The following KLF8 variants were observed in gnomAD, a reference collection of about 807,000 sequenced individuals.
KLF8 encodes the protein Krueppel-like factor 8.
Under a neutral mutation model 18.2 loss-of-function variants are expected in KLF8, and 10 were observed. That is an observed-to-expected ratio of 0.55 (90% CI 0.34 to 0.93). The LOEUF (loss-of-function observed/expected upper bound fraction) is 0.93. Ranked by LOEUF, KLF8 falls within the 40% of genes least tolerant of loss-of-function variation. The pLI, the probability that KLF8 is intolerant of heterozygous loss-of-function variation, is 0.02. For missense variants in KLF8, 264 were observed against 277.9 expected (o/e 0.95, Z 0.36); for synonymous variants, 109 against 97.3 (o/e 1.12, Z -0.71).
chrX:56,186,610 G>C, the KLF8 span, among the ~76,000 whole-genome samples: 1 of 111,373 alleles, frequency 9.0e-6, no homozygotes, highest in Admixed American at 9.6e-5. Context: ...TTCCAAAATT[G>C]ACCACATAGT....
the KLF8 span, among the ~76,000 whole-genome samples, chrX:55,920,680 C>T: frequency 1.8e-5 from 2 of 109,805 alleles, no homozygotes; most frequent in Non-Finnish European, 3.8e-5. Flanking sequence ...CTTCAGAGCT[C>T]GAAGACAAGA....
the KLF8 span, among the ~76,000 whole-genome samples, chrX:56,122,469 A>G: frequency 8.9e-6 from 1 of 112,056 alleles, no homozygotes; most frequent in Admixed American, 9.5e-5. Flanking sequence ...TACTGATGAT[A>G]GTATTAATAA....
chrX:56,139,497 AGC>A, the KLF8 span, among the ~76,000 whole-genome samples: 2 of 111,769 alleles, frequency 1.8e-5, no homozygotes, highest in African/African-American at 6.5e-5. Flanking sequence ...GAAATAAAAT[AGC>A]ACACTTACAA....
the KLF8 span, among the ~76,000 whole-genome samples, chrX:56,183,585 G>T: frequency 9.0e-6 from 1 of 111,135 alleles, no homozygotes; most frequent in African/African-American, 3.3e-5. Flanking sequence ...TTCCTATTCA[G>T]CAATCTTGGA....
the KLF8 span, among the ~76,000 whole-genome samples, chrX:56,204,626 T>TA: frequency 9.0e-6 from 1 of 111,444 alleles, no homozygotes; most frequent in Non-Finnish European, 1.9e-5. Flanking sequence ...GGTTTTTTTT[T>TA]ATCATAAAGG....
At chrX:55,918,981 A>G in the KLF8 span, among the ~76,000 whole-genome samples, 1 of 112,137 alleles carries the variant, frequency 8.9e-6, no homozygotes, top group Non-Finnish European at 1.9e-5. Flanking sequence ...TGCCCTTCCC[A>G]TGGGCAAAAC....
At chrX:56,169,298 T>G in the KLF8 span, among the ~76,000 whole-genome samples, 8 of 111,724 alleles carry the variant, frequency 7.2e-5, no homozygotes, top group Non-Finnish European at 1.3e-4. Flanking sequence ...ACACTCTTTT[T>G]GCTTGATAAA....
chrX:55,936,207 A>T, the KLF8 span, among the ~76,000 whole-genome samples: 3 of 112,220 alleles, frequency 2.7e-5, no homozygotes, highest in Non-Finnish European at 5.6e-5. Context: ...GTGATCTGTG[A>T]TTGATGACCA....
the KLF8 span, among the ~76,000 whole-genome samples, chrX:55,971,237 T>C: frequency 9.0e-6 from 1 of 111,021 alleles, no homozygotes; most frequent in Non-Finnish European, 1.9e-5. Flanking sequence ...TGGAACAGAA[T>C]GGAGAATTCA....
the KLF8 span, among the ~76,000 whole-genome samples, chrX:56,076,375 G>T: frequency 1.9e-4 from 19 of 101,007 alleles, no homozygotes; most frequent in East Asian, 4.4e-3. Context: ...CCACCTATGA[G>T]TGAGAATATG....
chrX:55,945,474 T>C, the KLF8 span, among the ~76,000 whole-genome samples: 1 of 110,709 alleles, frequency 9.0e-6, no homozygotes, highest in Admixed American at 9.7e-5. Context: ...CTAAGTCTCT[T>C]TGTAGGTCGT....
At chrX:56,282,558 A>G (rs772839292) in intron 5 of KLF8, among the ~76,000 whole-genome samples, 9 of 111,916 alleles carry the variant, frequency 8.0e-5, no homozygotes, top group African/African-American at 2.9e-4. Flanking sequence ...AACACTTGGG[A>G]GGGTTGGTAG....
rs1323168663 is a variant in KLF8, at chrX:56,290,122, C to A, written c.*5628C>A. 9.0e-6 allele frequency among the ~76,000 whole-genome samples: 1 copy of A among 111,584 alleles called. No homozygotes were observed. Among genetic ancestry groups the A allele is most frequent in the Non-Finnish European group, 1.9e-5 (1 of 53,036 alleles). ...ATATGGCTCTCTGACAACAGTGATG[C>A]TACCCTGAGTTACCTCTCTTCTGTA... On this transcript the variant is annotated 3_prime_UTR_variant, in exon 6 of 6. Transcript: ENST00000468660.
At chrX:56,132,498 A>G in the KLF8 span, among the ~76,000 whole-genome samples, 1 of 111,428 alleles carries the variant, frequency 9.0e-6, no homozygotes, top group African/African-American at 3.3e-5. Flanking sequence ...TGATAAGAGG[A>G]AAGTTCATAG....
the KLF8 span, among the ~76,000 whole-genome samples, chrX:56,141,464 G>C: frequency 9.0e-6 from 1 of 110,945 alleles, no homozygotes; most frequent in Admixed American, 9.6e-5. Flanking sequence ...ATAAATTAAA[G>C]ATTATTTAAT....
the KLF8 span, among the ~76,000 whole-genome samples, chrX:56,179,611 T>G: frequency 8.9e-6 from 1 of 112,035 alleles, no homozygotes; most frequent in Non-Finnish European, 1.9e-5. Flanking sequence ...CATTTAGTAT[T>G]ATATTGGCTG....
the KLF8 span, among the ~76,000 whole-genome samples, chrX:55,973,040 G>A: frequency 4.1e-4 from 46 of 112,014 alleles, no homozygotes; most frequent in Non-Finnish European, 7.6e-4. Flanking sequence ...AGCAGATTAG[G>A]GAACCTAGAA....
chrX:55,961,330 C>T, the KLF8 span: 1 of 435,917 alleles, frequency 2.3e-6, no homozygotes, highest in East Asian at 4.9e-5. Context: ...ACTTCCAGAT[C>T]CCATCCTGGG....
At chrX:55,985,745 GTTC>G in the KLF8 span, among the ~76,000 whole-genome samples, 6 of 110,298 alleles carry the variant, frequency 5.4e-5, no homozygotes, top group African/African-American at 2.0e-4. Flanking sequence ...CACAATATCA[GTTC>G]TTCCTATTCA....
Sources: gnomAD v4.1 joint callset for allele counts (sites outside exome capture counted in the v4.1 genomes callset) on GRCh38, gnomAD v4.1.1 for gene constraint, MANE v1.5 for transcripts, NCBI Gene and HGNC (gene_info 2026-07-23, HGNC 2026-07-21) for gene names.